The following FRK variants were observed in gnomAD, a reference collection of about 807,000 sequenced individuals.
The protein encoded by FRK is fyn related Src family tyrosine kinase, also known as tyrosine-protein kinase FRK.
A neutral mutation model predicts 56.4 loss-of-function variants in FRK; 51 were observed. The ratio of observed to expected loss-of-function variants is 0.90; its 90% CI spans 0.72 to 1.14. FRK has a LOEUF of 1.14. Among genes scored for constraint, FRK ranks in the 50% most tolerant of loss-of-function variants. The pLI is 0.00. For missense variants in FRK, 570 were observed against 601.4 expected (o/e 0.95, Z 0.55); for synonymous variants, 245 against 217.9 (o/e 1.12, Z -1.10).
At chr6:116,086,009 CTTTT>C in the FRK span, among the ~76,000 whole-genome samples, 2 of 145,002 alleles carry the variant, frequency 1.4e-5, no homozygotes, top group African/African-American at 5.0e-5. Flanking sequence ...GTCCAAATGA[CTTTT>C]TTTTTTTTTT....
In FRK at chr6:115,942,342, T is replaced by C. The variant is rs987554434; in HGVS notation, c.*72A>G. 18 of 1,259,174 alleles carry C rather than the reference T, an allele frequency of 1.4e-5. No homozygotes were observed. In the Admixed American group the frequency reaches 3.0e-4, roughly 21 times the overall value. 78.0% of individuals were successfully genotyped at this position (1,259,174 alleles called of 1,614,324 possible). On this transcript the variant is annotated 3_prime_UTR_variant, in exon 8 of 8. Coordinates refer to ENST00000606080, the MANE Select transcript of FRK (RefSeq NM_002031.3). ...ATAAACTGATTGTGCAGTTGGTTGA[T>C]AACATTGTATTTTGGAATGGATTAT...
intron 1 of FRK, among the ~76,000 whole-genome samples, chr6:116,049,900 A>G (rs1777122488): frequency 6.6e-6 from 1 of 152,178 alleles, no homozygotes; most frequent in South Asian, 2.1e-4. Context: ...AAAGGGTCAT[A>G]TGAGCTGAAC....
Position 115,934,166 on chromosome 6 carries a change from C to T in FRK, c.*8248G>A, listed in dbSNP as rs1013409997. The stretch of plus-strand genomic sequence containing the variant: ...AGATAGATAATTCTAACCGTTAATT[C>T]ACCTCAGGGAATGTTCTCCTTAATG... On this transcript the variant is annotated 3_prime_UTR_variant, in exon 8 of 8. Coordinates refer to ENST00000606080, the MANE Select transcript of FRK (RefSeq NM_002031.3). 2.6e-5 allele frequency: 4 copies of T among 152,250 alleles called. No individual in the cohort carries two copies. The highest frequency in any genetic ancestry group is 9.6e-5 in the African/African-American group (4 of 41,552). The allele number at this position is 152,250 out of a possible 1,614,324, so 9.4% of individuals were successfully genotyped here.
At chr6:116,047,060 T>C (rs924351222) in intron 1 of FRK, among the ~76,000 whole-genome samples, 4 of 150,752 alleles carry the variant, frequency 2.7e-5, no homozygotes, top group East Asian at 1.9e-4. Context: ...TATATACATA[T>C]ATATATATTT....
chr6:115,983,473 C>T (rs936644413), intron 2 of FRK, among the ~76,000 whole-genome samples: 11 of 152,166 alleles, frequency 7.2e-5, no homozygotes, highest in African/African-American at 2.4e-4. Context: ...AAGGGAAATA[C>T]TAGGTTGCGC....
rs567274121 is a variant in FRK at position 116,017,349 on chromosome 6, C to A, written c.345-13351G>T. ...CAAGTTTTGAGCAACCAAAGGTGGC[C>A]AACTGTTCAAACCCTGTTCAAAATA... On this transcript the variant is annotated intron_variant, in intron 1 of 7. Transcript: ENST00000606080. 4.6e-5 allele frequency among the ~76,000 whole-genome samples: 7 copies of A among 152,262 alleles called. No homozygotes were observed. In the South Asian group the frequency reaches 1.5e-3, roughly 32 times the overall value.
At chr6:116,006,792 C>T (rs1775263914) in intron 1 of FRK, among the ~76,000 whole-genome samples, 1 of 152,094 alleles carries the variant, frequency 6.6e-6, no homozygotes, top group Admixed American at 6.5e-5. Context: ...CTGTGAATAG[C>T]CACTGCACTT....
rs141975017 is a variant in FRK, at chr6:116,056,636, C to T, written c.344+3332G>A. Among the ~76,000 whole-genome samples, 523 of 151,880 alleles carry T rather than the reference C, an allele frequency of 3.4e-3. 2 individuals are homozygous for T. The highest frequency in any genetic ancestry group is 0.012 in the African/African-American group (511 of 41,356). ...GGTTCTAATATTTATATGTTATTTCCACATCATTATTTTTATGTGAACTTT... is the reference window on the plus strand; with the variant it reads ...GGTTCTAATATTTATATGTTATTTCTACATCATTATTTTTATGTGAACTTT... On this transcript the variant is annotated intron_variant, in intron 1 of 7. Transcript: ENST00000606080.
chr6:116,043,955 A>G (rs2114796477), intron 1 of FRK, among the ~76,000 whole-genome samples: 1 of 152,308 alleles, frequency 6.6e-6, no homozygotes, highest in South Asian at 2.1e-4. Flanking sequence ...TACTATAAAC[A>G]CCTCTACACA....
the FRK span, among the ~76,000 whole-genome samples, chr6:116,070,201 C>T: frequency 6.7e-6 from 1 of 149,688 alleles, no homozygotes; most frequent in Non-Finnish European, 1.5e-5. Context: ...AAGATAAAAT[C>T]AGAAATAACC....
intron 2 of FRK, among the ~76,000 whole-genome samples, chr6:115,994,573 G>C (rs1020230754): frequency 1.3e-5 from 2 of 151,994 alleles, no homozygotes; most frequent in African/African-American, 2.4e-5. Flanking sequence ...TACTGGCATG[G>C]CCACTGACAA....
At chr6:116,007,017 C>T (rs1775270579) in intron 1 of FRK, among the ~76,000 whole-genome samples, 1 of 152,110 alleles carries the variant, frequency 6.6e-6, no homozygotes, top group South Asian at 2.1e-4. Context: ...AGTACTCAAG[C>T]ATTCTTTTAA....
At chr6:116,020,330 C>T (rs761063378) in intron 1 of FRK, among the ~76,000 whole-genome samples, 9 of 151,716 alleles carry the variant, frequency 5.9e-5, no homozygotes, top group South Asian at 4.2e-4. Context: ...TTTGCTCGGA[C>T]GCCCAGGCTT....
intron 1 of FRK, among the ~76,000 whole-genome samples, chr6:116,036,715 G>GA (rs147369051): frequency 0.019 from 2,910 of 151,836 alleles, 91 homozygotes; most frequent in African/African-American, 0.065. Context: ...TTTTGAAAAG[G>GA]AAAAAAATAA....
At chr6:116,063,298 G>A (rs1187215189), upstream of FRK, among the ~76,000 whole-genome samples, 1 of 152,074 alleles carries the variant, frequency 6.6e-6, no homozygotes, top group Non-Finnish European at 1.5e-5. Context: ...TCAAGTTATG[G>A]AATCAATCTG....
At chr6:116,068,544 A>G in the FRK span, among the ~76,000 whole-genome samples, 1 of 152,194 alleles carries the variant, frequency 6.6e-6, no homozygotes, top group African/African-American at 2.4e-5. Context: ...GAAACCGTTG[A>G]AGAACATGAA....
rs750070578 is a variant in FRK at position 115,944,291 on chromosome 6, G to A, written c.1093C>T (p.His365Tyr). The change falls in exon 6 of 8, where the codon CAT becomes TAT. Residue 365 changes from histidine to tyrosine, a missense_variant. Coordinates refer to ENST00000606080, the MANE Select transcript of FRK (RefSeq NM_002031.3). ...LAARNVLVGE[H>Y]NIYKVADFGL... ...AAATCTGCTACTTTGTAGATATTAT[G>A]TTCACCAACGAGGACATTTCTGGCA... 1 of 1,612,820 alleles carries A rather than the reference G, an allele frequency of 6.2e-7. No homozygotes were observed. The highest frequency in any genetic ancestry group is 1.1e-5 in the South Asian group (1 of 91,008).
At chr6:115,952,744 A>T (rs1159230347) in intron 5 of FRK, among the ~76,000 whole-genome samples, 1 of 151,994 alleles carries the variant, frequency 6.6e-6, no homozygotes, top group East Asian at 1.9e-4. Flanking sequence ...ATGCAGCCAT[A>T]AAAAATGATG....
chr6:116,068,403 G>A, the FRK span, among the ~76,000 whole-genome samples: 1 of 151,980 alleles, frequency 6.6e-6, no homozygotes, highest in Non-Finnish European at 1.5e-5. Context: ...AAAAAAAGAT[G>A]CCGAATTAAC....
Sources: gnomAD v4.1 joint callset for allele counts (sites outside exome capture counted in the v4.1 genomes callset) on GRCh38, gnomAD v4.1.1 for gene constraint, MANE v1.5 for transcripts, NCBI Gene and HGNC (gene_info 2026-07-23, HGNC 2026-07-21) for gene names.